UTS2B: variants seen among roughly 807,000 people sequenced by gnomAD.
UTS2B encodes urotensin-2B.
A neutral mutation model predicts 19.2 loss-of-function variants in UTS2B; 21 were observed. That is an observed-to-expected ratio of 1.09 (90% confidence interval 0.78 to 1.58). UTS2B has a LOEUF of 1.58. Ranked by LOEUF, UTS2B falls within the 40% of genes most tolerant of loss-of-function variation. The pLI, the probability that UTS2B is intolerant of heterozygous loss-of-function variation, is 0.00. For missense variants in UTS2B, 138 were observed against 130.3 expected, an observed-to-expected ratio of 1.06 and a Z score of -0.29; for synonymous variants, 57 against 50.2, an observed-to-expected ratio of 1.14 and a Z score of -0.58.
chr3:191,295,526 C>G (rs1054296917), intron 4 of UTS2B, among the ~76,000 whole-genome samples: 1 of 151,758 alleles, frequency 6.6e-6, no homozygotes, highest in African/African-American at 2.4e-5. Flanking sequence ...TGATATATTC[C>G]TAGTAGATAC....
intron 4 of UTS2B, among the ~76,000 whole-genome samples, chr3:191,296,777 G>A (rs1051332777): frequency 6.6e-6 from 1 of 152,134 alleles, no homozygotes; most frequent in African/African-American, 2.4e-5. Flanking sequence ...AATTAGGCAG[G>A]CCTGGGAATT....
chr3:191,270,290 T>G (rs7624377), intron 8 of UTS2B, among the ~76,000 whole-genome samples: 79,083 of 151,974 alleles, frequency 0.52, 21,356 homozygotes, highest in Non-Finnish European at 0.59. Context: ...TCGAACTCCT[T>G]GGCTCAAGGG....
chr3:191,337,793 TCCAACAGATTTAA>T, the UTS2B span, among the ~76,000 whole-genome samples: 2 of 152,116 alleles, frequency 1.3e-5, no homozygotes, highest in Admixed American at 6.5e-5. Flanking sequence ...TTCATGAGTA[TCCAACAGATTTAA>T]CCACCTTAAA....
intron 2 of UTS2B, among the ~76,000 whole-genome samples, chr3:191,327,334 A>G (rs1479835246): frequency 6.6e-6 from 1 of 152,214 alleles, no homozygotes; most frequent in Non-Finnish European, 1.5e-5. Flanking sequence ...TGCCTCTACT[A>G]AAAATACAAA....
chr3:191,277,925 AC>A (rs1472916777), intron 6 of UTS2B, 146 bp downstream of exon 6: 10 of 480,156 alleles, frequency 2.1e-5, no homozygotes, highest in African/African-American at 1.2e-4. Flanking sequence ...TAAATATAAA[AC>A]AAAAAAATCA....
intron 4 of UTS2B, among the ~76,000 whole-genome samples, chr3:191,289,113 T>C (rs1716635525): frequency 6.6e-6 from 1 of 152,062 alleles, no homozygotes; most frequent in Non-Finnish European, 1.5e-5. Flanking sequence ...ACTGTTTATA[T>C]ATCTAAAAGA....
intron 1 of UTS2B, chr3:191,329,460 G>T: frequency 2.1e-6 from 1 of 470,932 alleles, no homozygotes; most frequent in Non-Finnish European, 3.7e-6. Context: ...CCGCGGCGGG[G>T]CAGCTGGGCC....
chr3:191,292,763 G>A (rs183108079), intron 4 of UTS2B, among the ~76,000 whole-genome samples: 31 of 152,256 alleles, frequency 2.0e-4, no homozygotes, highest in Non-Finnish European at 2.9e-5. Context: ...AACTTTTACT[G>A]TTAAGGATGA....
chr3:191,271,604 T>C (rs1334907834), intron 8 of UTS2B, among the ~76,000 whole-genome samples: 1 of 152,196 alleles, frequency 6.6e-6, no homozygotes, highest in Non-Finnish European at 1.5e-5. Context: ...CCTCCTTCTT[T>C]GTACCTACTC....
At chr3:191,281,392 A>G (rs1244661112) in intron 5 of UTS2B, among the ~76,000 whole-genome samples, 1 of 152,182 alleles carries the variant, frequency 6.6e-6, no homozygotes, top group East Asian at 1.9e-4. Context: ...AGCTCTCAGG[A>G]TTCTCAGTTT....
At chr3:191,280,644 T>C (rs576800626) in intron 5 of UTS2B, among the ~76,000 whole-genome samples, 1 of 152,232 alleles carries the variant, frequency 6.6e-6, no homozygotes, top group South Asian at 2.1e-4. Context: ...GTCAGTGATA[T>C]ATGTATATCA....
intron 4 of UTS2B, 78 bp from the exon 5 acceptor site, chr3:191,282,391 T>C (rs1020737332): frequency 1.6e-5 from 8 of 491,516 alleles, no homozygotes; most frequent in Admixed American, 7.2e-5. Flanking sequence ...GATTCACTAC[T>C]TGGAGAAGTG....
At chr3:191,339,099 G>A in the UTS2B span, among the ~76,000 whole-genome samples, 1 of 152,304 alleles carries the variant, frequency 6.6e-6, no homozygotes, top group South Asian at 2.1e-4. Flanking sequence ...AGGGGAGACA[G>A]TTGTGAAGAA....
At chr3:191,336,657 C>T in the UTS2B span, among the ~76,000 whole-genome samples, 1 of 152,092 alleles carries the variant, frequency 6.6e-6, no homozygotes, top group African/African-American at 2.4e-5. Flanking sequence ...CTTCCTAGCC[C>T]TACTTGATAT....
At position 191,278,065 on chromosome 3, in the gene UTS2B, A is replaced by C. The variant is rs765933256; in HGVS notation, c.202+7T>G. Reference sequence around the variant, plus strand: ...ATAAATAGAGCTTGACTTTATGTTTAACTCACCAGTGTTGAAAGGTCTTTG... The same window carrying C: ...ATAAATAGAGCTTGACTTTATGTTTCACTCACCAGTGTTGAAAGGTCTTTG... On this transcript the variant is annotated splice_region_variant and intron_variant, in intron 6 of 8. Coordinates refer to ENST00000340524, the MANE Select transcript of UTS2B (RefSeq NM_198152.5). The C allele has an allele frequency of 4.9e-5, 71 of 1,454,126 alleles. No individual in the cohort carries two copies. The highest frequency in any genetic ancestry group is 5.1e-5 in the Non-Finnish European group (55 of 1,077,728). The allele number at this position is 1,454,126 out of a possible 1,614,324, so 90.1% of individuals were successfully genotyped here.
At chr3:191,305,166 G>C (rs1717104102) in intron 3 of UTS2B, among the ~76,000 whole-genome samples, 3 of 152,106 alleles carry the variant, frequency 2.0e-5, no homozygotes, top group African/African-American at 7.2e-5. Flanking sequence ...TGATTTATAT[G>C]TTTTTGGGTA....
At chr3:191,273,825 A>T (rs1052790399) in intron 8 of UTS2B, among the ~76,000 whole-genome samples, 8 of 152,168 alleles carry the variant, frequency 5.3e-5, no homozygotes, top group Non-Finnish European at 1.0e-4. Context: ...AATTTTTGAC[A>T]CCTGCCTATT....
chr3:191,296,624 A>T (rs994345847), intron 4 of UTS2B, among the ~76,000 whole-genome samples: 1 of 152,230 alleles, frequency 6.6e-6, no homozygotes, highest in Admixed American at 6.5e-5. Flanking sequence ...GAAATAGAGT[A>T]AGAGAACACT....
chr3:191,272,718 G>A (rs188054426), intron 8 of UTS2B, among the ~76,000 whole-genome samples: 2 of 152,040 alleles, frequency 1.3e-5, no homozygotes, highest in Admixed American at 6.6e-5. Flanking sequence ...AAAATTAGCT[G>A]GGCGTGGTGG....
Sources: allele counts gnomAD v4.1 joint callset (sites outside exome capture counted in the v4.1 genomes callset), GRCh38; gene constraint gnomAD v4.1.1; transcripts MANE v1.5; gene names NCBI Gene and HGNC (gene_info 2026-07-23, HGNC 2026-07-21).